Variants in PCLO observed in about 807,000 individuals in gnomAD.
PCLO encodes piccolo presynaptic cytomatrix protein, also known as protein piccolo.
Under a neutral mutation model 427.5 loss-of-function variants are expected in PCLO, and 82 were observed. That is an observed-to-expected ratio of 0.19 (90% CI 0.16 to 0.23). The LOEUF is 0.23. Among genes scored for constraint, PCLO ranks in the 10% least tolerant of loss-of-function variants. PCLO has a pLI of 1.00. For missense variants in PCLO, 6,239 were observed against 6,115.9 expected (o/e 1.02, Z -0.67); for synonymous variants, 2,357 against 2,155.4 (o/e 1.09, Z -2.59).
chr7:82,804,132 G>A (rs77066300), intron 21 of PCLO, among the ~76,000 whole-genome samples: 3,536 of 152,192 alleles, frequency 0.023, 135 homozygotes, highest in African/African-American at 0.078. Flanking sequence ...AGCTTAGAAA[G>A]AAATTTAAAG....
At chr7:82,973,309 T>G (rs1438066067) in intron 3 of PCLO, among the ~76,000 whole-genome samples, 1 of 152,168 alleles carries the variant, frequency 6.6e-6, no homozygotes, top group East Asian at 1.9e-4. Flanking sequence ...TTCATTCATA[T>G]TTTGTTTCTT....
intron 8 of PCLO, among the ~76,000 whole-genome samples, chr7:82,905,041 T>C (rs753455171): frequency 7.2e-5 from 11 of 152,080 alleles, no homozygotes; most frequent in Non-Finnish European, 1.5e-4. Context: ...GAGAGAGTCC[T>C]GTAGCAGATG....
rs763860772 is a variant in PCLO, at chr7:82,966,005, T to A, written c.3783A>T (p.Lys1261Asn). 3.1e-6 allele frequency: 5 copies of A among 1,613,572 alleles called. No individual in the cohort carries two copies. The South Asian group carries it at 3.3e-5, about 11-fold the overall frequency. ...GTACTTGAGATTTAAGTAAGTCATG[T>A]TTCTGTTCTTCTGGGGCTGATGTTT... ...EAKTSAPEEQ[K>N]HDLLKSQVQI... Residue 1261 changes from lysine (K) to asparagine (N), a missense_variant, in exon 4 of 25, where the codon AAA (lysine) becomes AAT (asparagine). Physicochemically the swap from Lys to Asn is moderately conservative, Grantham distance 94. This residue lies in a region of PCLO where 4,677 missense variants were observed against 4,468.4 expected (regional missense o/e 1.05). Coordinates refer to ENST00000333891, the MANE Select transcript of PCLO (RefSeq NM_033026.6).
intron 15 of PCLO, 41 bp from the exon 16 acceptor site, chr7:82,835,734 G>A: frequency 1.3e-6 from 2 of 1,538,908 alleles, no homozygotes; most frequent in South Asian, 1.2e-5. Flanking sequence ...GGTAAAACAG[G>A]AAAGTAGAAA....
chr7:82,771,606 C>T (rs530878415), intron 22 of PCLO, among the ~76,000 whole-genome samples: 24 of 151,900 alleles, frequency 1.6e-4, no homozygotes, highest in African/African-American at 5.5e-4. Context: ...ATATTACTAC[C>T]CTCACTTTAA....
At chr7:83,128,358 T>C (rs896470997) in intron 3 of PCLO, among the ~76,000 whole-genome samples, 1 of 152,154 alleles carries the variant, frequency 6.6e-6, no homozygotes, top group South Asian at 2.1e-4. Context: ...GTTTTTGCGA[T>C]ATTTAACTTT....
intron 4 of PCLO, among the ~76,000 whole-genome samples, chr7:82,964,215 A>C (rs747875709): frequency 3.4e-4 from 52 of 152,168 alleles, no homozygotes; most frequent in Non-Finnish European, 6.2e-4. Flanking sequence ...TGATACCTTC[A>C]TTGTGGAGAA....
At chr7:83,049,664 C>T (rs1385053219) in intron 3 of PCLO, among the ~76,000 whole-genome samples, 4 of 152,062 alleles carry the variant, frequency 2.6e-5, no homozygotes, top group Non-Finnish European at 5.9e-5. Flanking sequence ...AACATTAGTA[C>T]TTCTATGTAT....
chr7:82,987,501 T>C (rs550521333), intron 3 of PCLO, among the ~76,000 whole-genome samples: 3 of 152,180 alleles, frequency 2.0e-5, no homozygotes, highest in African/African-American at 4.8e-5. Context: ...AGAATAAGTA[T>C]GTGAAGATAT....
At chr7:82,945,107 G>A (rs1170483052) in intron 6 of PCLO, among the ~76,000 whole-genome samples, 1 of 152,084 alleles carries the variant, frequency 6.6e-6, no homozygotes, top group Non-Finnish European at 1.5e-5. Flanking sequence ...GACTGTGTTT[G>A]TGTCTCTTGG....
At chr7:82,888,888 A>G (rs1356341039) in intron 9 of PCLO, among the ~76,000 whole-genome samples, 1 of 152,146 alleles carries the variant, frequency 6.6e-6, no homozygotes, top group Admixed American at 6.6e-5. Flanking sequence ...TTAAGACTCA[A>G]TATTAGATGC....
At chr7:82,846,497 C>T (rs1792505667) in intron 12 of PCLO, 70 bp downstream of exon 12, 1 of 922,442 alleles carries the variant, frequency 1.1e-6, no homozygotes, top group African/African-American at 1.6e-5. Context: ...TCTACAATTA[C>T]ATCTGCCTCT....
intron 3 of PCLO, among the ~76,000 whole-genome samples, chr7:82,970,836 T>C (rs948637072): frequency 6.6e-6 from 1 of 151,658 alleles, no homozygotes; most frequent in Admixed American, 6.6e-5. Flanking sequence ...TCACAGTGAG[T>C]AAAAAGAAAT....
At chr7:82,965,238 T>A (rs1795737498) in intron 4 of PCLO, among the ~76,000 whole-genome samples, 2 of 152,008 alleles carry the variant, frequency 1.3e-5, no homozygotes, top group African/African-American at 4.8e-5. Flanking sequence ...TTAAACTGCT[T>A]TGTGAAATTT....
intron 9 of PCLO, among the ~76,000 whole-genome samples, chr7:82,893,166 A>G (rs1467771538): frequency 6.6e-6 from 1 of 152,100 alleles, no homozygotes; most frequent in African/African-American, 2.4e-5. Context: ...AAGACTTGGA[A>G]CCAAGCCAAA....
intron 3 of PCLO, among the ~76,000 whole-genome samples, chr7:83,067,364 A>C (rs1224536406): frequency 6.6e-6 from 1 of 152,158 alleles, no homozygotes; most frequent in Non-Finnish European, 1.5e-5. Context: ...CATATTTCAG[A>C]GACTTTCTCT....
chr7:82,791,690 T>C (rs1791105264), intron 22 of PCLO, among the ~76,000 whole-genome samples: 1 of 152,162 alleles, frequency 6.6e-6, no homozygotes, highest in African/African-American at 2.4e-5. Context: ...ACTGGTTCCT[T>C]AAGGGAAAGT....
chr7:82,929,603 G>A (rs1794794089), intron 6 of PCLO, among the ~76,000 whole-genome samples: 1 of 152,130 alleles, frequency 6.6e-6, no homozygotes, highest in Non-Finnish European at 1.5e-5. Context: ...GGGGAAGTAA[G>A]CCATAACTAT....
intron 3 of PCLO, among the ~76,000 whole-genome samples, chr7:83,096,558 G>A (rs1265100388): frequency 6.6e-6 from 1 of 150,934 alleles, no homozygotes; most frequent in African/African-American, 2.4e-5. Flanking sequence ...GGGGATACAC[G>A]CTATGTATGT....
Sources: allele counts gnomAD v4.1 joint callset (sites outside exome capture counted in the v4.1 genomes callset), GRCh38; gene constraint gnomAD v4.1.1; regional missense constraint gnomAD v4.1.1; transcripts MANE v1.5; gene names NCBI Gene and HGNC (gene_info 2026-07-23, HGNC 2026-07-21).